Variants in NOL10 observed in about 807,000 individuals in gnomAD.
NOL10 encodes the protein nucleolar protein 10.
In NOL10, 58 loss-of-function variants were observed where a neutral mutation model predicts 103.5. The ratio of observed to expected loss-of-function variants is 0.56; its 90% CI spans 0.45 to 0.70. The LOEUF (loss-of-function observed/expected upper bound fraction) is 0.70, where lower values mean the gene tolerates loss of function less well. Ranked by LOEUF, NOL10 falls within the 30% of genes least tolerant of loss-of-function variation. The pLI is 0.00. For missense variants in NOL10, 763 were observed against 807.3 expected (o/e 0.95, Z 0.67); for synonymous variants, 287 against 282.5 (o/e 1.02, Z -0.16).
chr2:10,689,853 G>A lies in NOL10; in HGVS notation c.9C>T (p.Val3=), dbSNP rs1558365773. The change falls in exon 1 of 21, where the codon GTC becomes GTT. Residue 3 remains valine (V), a synonymous_variant. Coordinates refer to ENST00000381685, the MANE Select transcript of NOL10 (RefSeq NM_024894.4). ...AAATCTTCACCTCATTGAGGCTGGA[G>A]ACCTGCATGGCGCCGCACAACACTG... MQ[V]SSLNEVKIYS... The A allele has an allele frequency of 2.5e-6, 4 of 1,606,446 alleles. No individual in the cohort carries two copies. Among genetic ancestry groups the A allele is most frequent in the African/African-American group, 1.3e-5 (1 of 74,906 alleles).
At chr2:10,602,027 G>A (rs1676001763) in intron 16 of NOL10, among the ~76,000 whole-genome samples, 1 of 152,232 alleles carries the variant, frequency 6.6e-6, no homozygotes. Flanking sequence ...GCCCTTCTCT[G>A]TCTACACTGG....
In NOL10 at chr2:10,589,908, G is replaced by A. The variant is rs980254595; in HGVS notation, c.1423-157C>T. 11 of 455,150 alleles carry A rather than the reference G, an allele frequency of 2.4e-5. 1 individual carries two copies. The South Asian group carries it at 2.9e-4, about 12-fold the overall frequency. 28.2% of individuals were successfully genotyped at this position (455,150 alleles called of 1,614,324 possible). On this transcript the variant is annotated intron_variant, in intron 17 of 20. Transcript: ENST00000381685. ...TGAAATTTCTTCCAGGACTTTCAAC[G>A]TGCCCCTAGGTTTTAGCTGCCACCA... is the stretch of plus-strand genomic sequence containing the variant.
chr2:10,649,311 ATTTTTTTTT>A (rs56031158), intron 12 of NOL10, among the ~76,000 whole-genome samples: 31,001 of 99,084 alleles, frequency 0.31, 3,312 homozygotes, highest in Middle Eastern at 0.39. Flanking sequence ...GTATGTTTGA[ATTTTTTTTT>A]TTTTTTTTTT....
chr2:10,656,584 A>G (rs1679853651), intron 11 of NOL10, among the ~76,000 whole-genome samples: 1 of 152,236 alleles, frequency 6.6e-6, no homozygotes, highest in Non-Finnish European at 1.5e-5. Context: ...ATGAAATTTA[A>G]AAAACCAAAG....
intron 8 of NOL10, among the ~76,000 whole-genome samples, chr2:10,665,456 A>G (rs1680510541): frequency 6.6e-6 from 1 of 152,206 alleles, no homozygotes; most frequent in South Asian, 2.1e-4. Flanking sequence ...CTAAAATCTG[A>G]GATGTAATAT....
chr2:10,667,374 A>C, intron 7 of NOL10, 96 bp from the exon 8 acceptor site: 1 of 851,700 alleles, frequency 1.2e-6, no homozygotes, highest in Non-Finnish European at 1.9e-6. Context: ...CCAAATTCTG[A>C]GTAGAAAGAA....
intron 13 of NOL10, among the ~76,000 whole-genome samples, chr2:10,623,606 T>G (rs1558298008): frequency 6.6e-6 from 1 of 152,222 alleles, no homozygotes; most frequent in Admixed American, 6.5e-5. Context: ...ACCTTTGATA[T>G]CCTAGTGCAG....
chr2:10,633,463 T>C (rs916080824), intron 13 of NOL10, among the ~76,000 whole-genome samples: 1 of 151,382 alleles, frequency 6.6e-6, no homozygotes, highest in Non-Finnish European at 1.5e-5. Context: ...TGATATATTA[T>C]TAATATACAG....
chr2:10,632,595 T>C (rs1558305481), intron 13 of NOL10, among the ~76,000 whole-genome samples: 1 of 152,250 alleles, frequency 6.6e-6, no homozygotes, highest in Non-Finnish European at 1.5e-5. Flanking sequence ...AAATGAATTA[T>C]GTCTGGTGGA....
chr2:10,673,493 A>G (rs904460188), intron 5 of NOL10, 27 bp downstream of exon 5: 9 of 1,502,000 alleles, frequency 6.0e-6, no homozygotes, highest in Non-Finnish European at 8.1e-6. Context: ...GGGTCTAGTC[A>G]GTACAAACCA....
intron 2 of NOL10, among the ~76,000 whole-genome samples, chr2:10,682,795 C>CT (rs959010867): frequency 2.4e-4 from 36 of 149,638 alleles, no homozygotes; most frequent in African/African-American, 6.1e-4. Context: ...TCTCCAAACT[C>CT]TTTTTTTTTG....
At chr2:10,663,839 A>G (rs1235324571) in intron 8 of NOL10, among the ~76,000 whole-genome samples, 2 of 151,532 alleles carry the variant, frequency 1.3e-5, no homozygotes, top group African/African-American at 4.8e-5. Flanking sequence ...AGTCCCAGCT[A>G]CTTGGGAGGC....
At chr2:10,660,758 T>G (rs1463649196) in intron 9 of NOL10, among the ~76,000 whole-genome samples, 3 of 152,154 alleles carry the variant, frequency 2.0e-5, no homozygotes, top group Non-Finnish European at 4.4e-5. Flanking sequence ...GTTATATTAG[T>G]TCTTATAGAT....
intron 19 of NOL10, among the ~76,000 whole-genome samples, chr2:10,583,759 CTAACT>C (rs1674884927): frequency 6.6e-6 from 1 of 152,200 alleles, no homozygotes; most frequent in South Asian, 2.1e-4. Context: ...TGTGGCCCTT[CTAACT>C]GGGATGATTC....
chr2:10,578,750 A>G (rs546150839), intron 19 of NOL10, among the ~76,000 whole-genome samples: 2 of 152,334 alleles, frequency 1.3e-5, no homozygotes, highest in South Asian at 4.1e-4. Flanking sequence ...AATGATATAT[A>G]TTTTCAGTAA....
chr2:10,635,119 T>C (rs1319431621), intron 13 of NOL10, among the ~76,000 whole-genome samples: 1 of 152,228 alleles, frequency 6.6e-6, no homozygotes, highest in Non-Finnish European at 1.5e-5. Flanking sequence ...TCATGCTTCA[T>C]ATACACTTTA....
At chr2:10,596,402 G>A (rs1008014107) in intron 17 of NOL10, among the ~76,000 whole-genome samples, 4 of 152,132 alleles carry the variant, frequency 2.6e-5, no homozygotes, top group Non-Finnish European at 4.4e-5. Context: ...CGGGAGCCTT[G>A]AGCTTGTTTT....
At chr2:10,591,415 T>TTGAA (rs1269711499) in intron 17 of NOL10, among the ~76,000 whole-genome samples, 3 of 152,018 alleles carry the variant, frequency 2.0e-5, no homozygotes, top group African/African-American at 7.2e-5. Context: ...GAAAGATGAG[T>TTGAA]AGGTTTCAAC....
chr2:10,629,175 T>C (rs1239316268), intron 13 of NOL10, among the ~76,000 whole-genome samples: 1 of 141,004 alleles, frequency 7.1e-6, no homozygotes, highest in Non-Finnish European at 1.5e-5. Context: ...TTGAAACTGA[T>C]GTAAGCTAAA....
Sources: gnomAD v4.1 joint callset for allele counts (sites outside exome capture counted in the v4.1 genomes callset) on GRCh38, gnomAD v4.1.1 for gene constraint, MANE v1.5 for transcripts, NCBI Gene and HGNC (gene_info 2026-07-23, HGNC 2026-07-21) for gene names.